TRPM6: variants seen among roughly 807,000 people sequenced by gnomAD.
The protein encoded by TRPM6 is channel kinase 2.
A neutral mutation model predicts 247.6 loss-of-function variants in TRPM6; 111 were observed. The ratio of observed to expected loss-of-function variants is 0.45; its 90% CI spans 0.38 to 0.52. The LOEUF (loss-of-function observed/expected upper bound fraction) is 0.52, where lower values mean the gene tolerates loss of function less well. Ranked by LOEUF, TRPM6 falls within the 20% of genes least tolerant of loss-of-function variation. TRPM6 has a pLI of 0.00. For missense variants in TRPM6, 2,126 were observed against 2,421.5 expected (o/e 0.88, Z 2.56); for synonymous variants, 892 against 853.8 (o/e 1.04, Z -0.78).
chr9:74,761,927 AAAAC>A, intron 26 of TRPM6, 68 bp downstream of exon 26: 1 of 1,550,368 alleles, frequency 6.5e-7, no homozygotes, highest in Non-Finnish European at 8.9e-7. Context: ...ACAGATTTAA[AAAAC>A]AAAACAAAAC....
At chr9:74,767,479 T>C (rs1233309614) in intron 25 of TRPM6, among the ~76,000 whole-genome samples, 2 of 152,214 alleles carry the variant, frequency 1.3e-5, no homozygotes, top group Non-Finnish European at 2.9e-5. Flanking sequence ...AGTAGGCTAA[T>C]GTGCAAAATC....
At chr9:74,873,338 C>G (rs1427689519) in intron 1 of TRPM6, among the ~76,000 whole-genome samples, 3 of 152,186 alleles carry the variant, frequency 2.0e-5, no homozygotes, top group African/African-American at 7.2e-5. Context: ...CTATCATGAC[C>G]TAGTTAGACC....
In TRPM6 at chr9:74,744,098, A is replaced by C; in HGVS notation, c.5131T>G (p.Ser1711Ala). The part of the protein sequence containing the change: ...KSPQEPHHHY[S>A]AIERNNLMRL... ...TCTATGTGCATATGCATCCTACCTG[A>C]ATAATGATGGTGAGGCTCTTGAGGG... The change falls in exon 32 of 39, where the codon TCA (serine) becomes GCA (alanine). Residue 1711 changes from serine to alanine, a missense_variant. This residue lies in a region of TRPM6 where 327 missense variants were observed against 397.7 expected (regional missense o/e 0.82). Coordinates refer to ENST00000360774, the MANE Select transcript of TRPM6 (RefSeq NM_017662.5). 6.2e-7 allele frequency: 1 copy of C among 1,614,016 alleles called. No individual in the cohort carries two copies. Among genetic ancestry groups the C allele is most frequent in the Non-Finnish European group, 8.5e-7 (1 of 1,179,930 alleles).
At chr9:74,827,469 C>T (rs1829378093) in intron 7 of TRPM6, among the ~76,000 whole-genome samples, 3 of 152,012 alleles carry the variant, frequency 2.0e-5, no homozygotes, top group African/African-American at 2.4e-5. Context: ...CATGGTGAAC[C>T]CACAGCCGGA....
chr9:74,787,409 C>T lies in TRPM6; in HGVS notation c.2667+1205G>A, dbSNP rs184616133. Among the ~76,000 whole-genome samples, 7 of 151,712 alleles carry T rather than the reference C, an allele frequency of 4.6e-5. No homozygotes were observed. The East Asian group carries it at 1.4e-3, about 29-fold the overall frequency. ...AGATAAGAAAATACCCCTGAAACACCGTGTCAGACAAACAGAAATGTAAAA... is the reference window on the plus strand; with the variant it reads ...AGATAAGAAAATACCCCTGAAACACTGTGTCAGACAAACAGAAATGTAAAA... On this transcript the variant is annotated intron_variant, in intron 20 of 38. Transcript: ENST00000360774.
intron 31 of TRPM6, among the ~76,000 whole-genome samples, chr9:74,745,128 T>C (rs991856380): frequency 2.6e-5 from 4 of 152,184 alleles, no homozygotes; most frequent in African/African-American, 9.6e-5. Flanking sequence ...GTTAAAGTAA[T>C]ATACGTAATA....
chr9:74,863,888 CT>C (rs57621871), intron 1 of TRPM6, among the ~76,000 whole-genome samples: 14 of 149,012 alleles, frequency 9.4e-5, no homozygotes, highest in African/African-American at 1.5e-4. Context: ...GCCCGGCAAC[CT>C]TTTTTTTTTT....
At chr9:74,753,274 C>G (rs1368605770) in intron 28 of TRPM6, among the ~76,000 whole-genome samples, 1 of 151,644 alleles carries the variant, frequency 6.6e-6, no homozygotes, top group Non-Finnish European at 1.5e-5. Context: ...TTAGTGAATA[C>G]TTGGTTGGAT....
intron 17 of TRPM6, among the ~76,000 whole-genome samples, chr9:74,797,348 C>A (rs1828134226): frequency 2.0e-5 from 3 of 152,148 alleles, no homozygotes; most frequent in African/African-American, 7.2e-5. Context: ...TGACCCCCGA[C>A]CCCAAGGATA....
At chr9:74,831,554 C>CA (rs1829547317) in intron 6 of TRPM6, among the ~76,000 whole-genome samples, 1 of 151,878 alleles carries the variant, frequency 6.6e-6, no homozygotes, top group African/African-American at 2.4e-5. Context: ...CTCTGAGAAA[C>CA]AAAAAATATA....
chr9:74,724,812 TG>T, intron 38 of TRPM6, 66 bp from the exon 39 acceptor site: 1 of 1,606,020 alleles, frequency 6.2e-7, no homozygotes, highest in Non-Finnish European at 8.5e-7. Flanking sequence ...TGAAGACAAA[TG>T]GGACTTTAGG....
intron 21 of TRPM6, among the ~76,000 whole-genome samples, chr9:74,783,685 T>C (rs1394951715): frequency 6.6e-6 from 1 of 152,186 alleles, no homozygotes; most frequent in Non-Finnish European, 1.5e-5. Flanking sequence ...TGAAATATAT[T>C]GGTTATCTCG....
At position 74,739,904 on chromosome 9, in the gene TRPM6, A is replaced by AC. The variant is rs1419652794; in HGVS notation, c.5305dup (p.Val1769GlyfsTer13). 6.2e-7 allele frequency: 1 copy of AC among 1,613,978 alleles called. No homozygotes were observed. The highest frequency in any genetic ancestry group is 8.5e-7 in the Non-Finnish European group (1 of 1,180,024). ...CCCATCCATCTCCTCTCGGGACAAT[A>AC]CCTGGATCATTGCCGCTCTCCCACG... On this transcript the variant is annotated frameshift_variant, in exon 34 of 39. Transcript: ENST00000360774. LOFTEE classifies it high-confidence loss of function.
At chr9:74,801,417 A>T (rs921081976) in intron 16 of TRPM6, among the ~76,000 whole-genome samples, 1 of 151,926 alleles carries the variant, frequency 6.6e-6, no homozygotes, top group Admixed American at 6.6e-5. Flanking sequence ...TTCTTTCTTC[A>T]TTACTATAAC....
At chr9:74,877,822 G>C (rs772850524) in intron 1 of TRPM6, among the ~76,000 whole-genome samples, 1 of 152,120 alleles carries the variant, frequency 6.6e-6, no homozygotes, top group South Asian at 2.1e-4. Context: ...CCCAGCAGCA[G>C]GGCCACAATG....
At chr9:74,839,821 CAGTT>C (rs1461093658) in intron 5 of TRPM6, among the ~76,000 whole-genome samples, 199 bp downstream of exon 5, 1 of 130,588 alleles carries the variant, frequency 7.7e-6, no homozygotes, top group Non-Finnish European at 1.6e-5. Context: ...ACCTGATTCA[CAGTT>C]AGAAAGAAAA....
At chr9:74,726,584 G>A (rs1407966350) in intron 38 of TRPM6, among the ~76,000 whole-genome samples, 2 of 152,130 alleles carry the variant, frequency 1.3e-5, no homozygotes, top group Non-Finnish European at 2.9e-5. Context: ...TAATCATACA[G>A]GACCACTAAC....
At chr9:74,757,771 G>A (rs532242009) in intron 27 of TRPM6, among the ~76,000 whole-genome samples, 9 of 152,108 alleles carry the variant, frequency 5.9e-5, no homozygotes, top group African/African-American at 1.9e-4. Context: ...AAATTAGCCA[G>A]GCATGGTGGT....
At position 74,775,944 on chromosome 9, in the gene TRPM6, G is replaced by A; in HGVS notation, c.3342C>T (p.Leu1114=). The A allele has an allele frequency of 3.1e-6, 5 of 1,614,160 alleles. No homozygotes were observed. The highest frequency in any genetic ancestry group is 4.2e-6 in the Non-Finnish European group (5 of 1,180,028). Residue 1114 remains leucine, a synonymous_variant, in exon 24 of 39, where the codon CTC becomes CTT. Transcript: ENST00000360774. ...CTCGATGACAGCACAGGCGGCGGAGGAGAAGGCCCACGTGGCTCAGCAGGA... is the reference window on the plus strand; with the variant it reads ...CTCGATGACAGCACAGGCGGCGGAGAAGAAGGCCCACGTGGCTCAGCAGGA... ...PLILLSHVGL[L]LRRLCCHRAP...
Sources: gnomAD v4.1 joint callset for allele counts (sites outside exome capture counted in the v4.1 genomes callset) on GRCh38, gnomAD v4.1.1 for gene constraint, gnomAD v4.1.1 regional missense constraint, MANE v1.5 for transcripts, NCBI Gene and HGNC (gene_info 2026-07-23, HGNC 2026-07-21) for gene names.